Variants in MIA2 observed in about 807,000 individuals in gnomAD.
MIA2 encodes the protein melanoma inhibitory activity protein 2.
Under a neutral mutation model 167.8 loss-of-function variants are expected in MIA2, and 127 were observed. The observed-to-expected ratio is 0.76, with a 90% CI of 0.66 to 0.88. MIA2 has a LOEUF of 0.88. MIA2 is among the 40% of genes least tolerant of loss of function. The pLI, the probability that MIA2 is intolerant of heterozygous loss-of-function variation, is 0.00. For synonymous variants in MIA2, 552 were observed against 541.9 expected (o/e 1.02, Z -0.26); for missense variants, 1,690 against 1,624.7 (o/e 1.04, Z -0.69).
intron 6 of MIA2, among the ~76,000 whole-genome samples, chr14:39,259,625 G>A (rs1382221981): frequency 6.6e-6 from 1 of 151,318 alleles, no homozygotes; most frequent in South Asian, 2.1e-4. Context: ...CAGCCTGCTG[G>A]GCTGAAGCAA....
chr14:39,336,402 T>C (rs1032708467), intron 25 of MIA2, among the ~76,000 whole-genome samples: 2 of 152,206 alleles, frequency 1.3e-5, no homozygotes, highest in African/African-American at 4.8e-5. Flanking sequence ...ATCAACACTT[T>C]ATTCTCATTA....
At position 39,304,405 on chromosome 14, in the gene MIA2, T is replaced by C. The variant is rs555401268; in HGVS notation, c.2878+24T>C. ...AGGTAGGTCATTGACATACATACTT[T>C]TAATGTTTTTCTAAGTAAGTACATC... On this transcript the variant is annotated intron_variant, in intron 17 of 28. Coordinates refer to ENST00000640607, the MANE Select transcript of MIA2 (RefSeq NM_001329214.4). The C allele has an allele frequency of 3.1e-5, 40 of 1,291,242 alleles. 1 individual carries two copies. The highest frequency in any genetic ancestry group is 4.8e-5 in the Admixed American group (2 of 41,838). The allele number at this position is 1,291,242 out of a possible 1,614,324, so 80.0% of individuals were successfully genotyped here. A position where few individuals can be genotyped will look rare whatever the true frequency, so the allele number is the denominator to read the frequency against.
At chr14:39,317,503 C>T (rs2065694037) in intron 21 of MIA2, among the ~76,000 whole-genome samples, 1 of 151,980 alleles carries the variant, frequency 6.6e-6, no homozygotes, top group African/African-American at 2.4e-5. Flanking sequence ...AACGTTTGAC[C>T]CCAGGGTGGA....
intron 4 of MIA2, among the ~76,000 whole-genome samples, chr14:39,251,262 C>A (rs2054559561): frequency 6.6e-6 from 1 of 152,026 alleles, no homozygotes; most frequent in South Asian, 2.1e-4. Flanking sequence ...ATTTATATTA[C>A]AATGTGCATA....
At chr14:39,357,122 T>C (rs940980436) in intron 23 of MIA2, among the ~76,000 whole-genome samples, 2 of 152,184 alleles carry the variant, frequency 1.3e-5, no homozygotes, top group African/African-American at 2.4e-5. Flanking sequence ...ACTTTCTGTC[T>C]CGTTGATCTG....
At chr14:39,234,273 C>T in intron 1 of MIA2, 44 bp downstream of exon 1, 1 of 1,240,464 alleles carries the variant, frequency 8.1e-7, no homozygotes, top group Non-Finnish European at 1.2e-6. Flanking sequence ...AATTGAGGCT[C>T]TGCAATGACA....
At chr14:39,327,371 A>G (rs1406434402) in intron 25 of MIA2, among the ~76,000 whole-genome samples, 1 of 152,192 alleles carries the variant, frequency 6.6e-6, no homozygotes, top group East Asian at 1.9e-4. Context: ...TTGTAGGTAT[A>G]TATCTTTTAG....
chr14:39,344,937 G>A (rs758463718), intron 25 of MIA2, among the ~76,000 whole-genome samples: 35 of 152,162 alleles, frequency 2.3e-4, no homozygotes, highest in Non-Finnish European at 4.0e-4. Flanking sequence ...CACCCCTGGG[G>A]ACAAAGGGTG....
chr14:39,279,428 A>G (rs754114577), intron 8 of MIA2, 21 bp from the exon 9 acceptor site: 1 of 1,603,164 alleles, frequency 6.2e-7, no homozygotes, highest in Non-Finnish European at 8.5e-7. Context: ...ACTCATGGTA[A>G]TATTGACTTG....
chr14:39,331,330 A>AT, intron 25 of MIA2, among the ~76,000 whole-genome samples: 1 of 151,776 alleles, frequency 6.6e-6, no homozygotes, highest in Non-Finnish European at 1.5e-5. Context: ...CCATCCCTTT[A>AT]TTTTGAGCCT....
chr14:39,248,895 A>C (rs1278820768), intron 4 of MIA2, among the ~76,000 whole-genome samples: 1 of 151,908 alleles, frequency 6.6e-6, no homozygotes, highest in African/African-American at 2.4e-5. Context: ...ATGTGCCAAC[A>C]CAGCCGCTAA....
At position 39,234,109 on chromosome 14, in the gene MIA2, T is replaced by C; in HGVS notation, c.-6T>C. The C allele has an allele frequency of 6.3e-7, 1 of 1,594,272 alleles. No individual in the cohort carries two copies. Among genetic ancestry groups the C allele is most frequent in the Non-Finnish European group, 8.6e-7 (1 of 1,168,720 alleles). ...TCACTTGGGATTCCCGGTTGCTTGT[T>C]TTAGCATGGCAAAATTTGGCGTTCA... On this transcript the variant is annotated 5_prime_UTR_variant, in exon 1 of 29. Coordinates refer to ENST00000640607, the MANE Select transcript of MIA2 (RefSeq NM_001329214.4).
chr14:39,252,981 A>T lies in MIA2; in HGVS notation c.1786+15A>T. Reference sequence around the variant, plus strand: ...TTCTCAGAAAGGTAAGAAACAGGTTATTTATTCTCTAATGCATCAATTAAG... The same window carrying T: ...TTCTCAGAAAGGTAAGAAACAGGTTTTTTATTCTCTAATGCATCAATTAAG... On this transcript the variant is annotated intron_variant, in intron 5 of 28. Coordinates refer to ENST00000640607, the MANE Select transcript of MIA2 (RefSeq NM_001329214.4). The T allele has an allele frequency of 6.3e-7, 1 of 1,588,276 alleles. No individual in the cohort carries two copies. Among genetic ancestry groups the T allele is most frequent in the Non-Finnish European group, 8.6e-7 (1 of 1,163,744 alleles).
chr14:39,350,019 T>C, intron 28 of MIA2, 79 bp from the exon 29 acceptor site: 1 of 568,264 alleles, frequency 1.8e-6, no homozygotes, highest in South Asian at 2.9e-5. Flanking sequence ...GTAATGGAAG[T>C]TATAAACTTA....
intron 23 of MIA2, among the ~76,000 whole-genome samples, chr14:39,371,237 T>C (rs2074939543): frequency 6.6e-6 from 1 of 152,214 alleles, no homozygotes; most frequent in Non-Finnish European, 1.5e-5. Flanking sequence ...CTTTATTTAT[T>C]CACTTTTGTT....
In MIA2 at chr14:39,275,399, C is replaced by T. The variant is rs531220067; in HGVS notation, c.1888-1535C>T. Among the ~76,000 whole-genome samples, 51 of 152,326 alleles carry T rather than the reference C, an allele frequency of 3.3e-4. No homozygotes were observed. In the South Asian group the frequency reaches 8.9e-3, roughly 27 times the overall value. On this transcript the variant is annotated intron_variant, in intron 6 of 28. Transcript: ENST00000640607. ...CATGTGATCCGCCTACGTTGGCTTC[C>T]CAAAGTGCTGGCATGAGCCACTGCG...
rs554677567 is a variant in MIA2 at position 39,314,808 on chromosome 14, A to ATGTGTGTGTGTG, written c.3180+10_3180+11insGTGTGTGTGTGT. 53,295 of 1,030,270 alleles carry ATGTGTGTGTGTG rather than the reference A, an allele frequency of 0.052. 2,028 individuals carry two copies. The highest frequency in any genetic ancestry group is 0.12 in the East Asian group (4,036 of 34,960). 63.8% of individuals were successfully genotyped at this position (1,030,270 alleles called of 1,614,324 possible). ...ATTCTTATCAAGGGCAGGTATATAT[A>ATGTGTGTGTGTG]TATGTGTGTGTGTGTGTGTGTGTGT... On this transcript the variant is annotated intron_variant, in intron 20 of 28. Coordinates refer to ENST00000640607, the MANE Select transcript of MIA2 (RefSeq NM_001329214.4).
chr14:39,288,458 TATATATATATATATATA>T (rs1566747733), intron 9 of MIA2, among the ~76,000 whole-genome samples: 59 of 15,980 alleles, frequency 3.7e-3, no homozygotes, highest in South Asian at 8.7e-3. Context: ...TATATATATA[TATATATATATATATATA>T]TTTTTTTTTT....
chr14:39,254,513 A>G (rs1019024982), intron 6 of MIA2, among the ~76,000 whole-genome samples: 44 of 152,222 alleles, frequency 2.9e-4, no homozygotes, highest in African/African-American at 1.0e-3. Context: ...TTAGTTCTGA[A>G]AATGAGGAAA....
Sources: gnomAD v4.1 joint callset for allele counts (sites outside exome capture counted in the v4.1 genomes callset) on GRCh38, gnomAD v4.1.1 for gene constraint, MANE v1.5 for transcripts, NCBI Gene and HGNC (gene_info 2026-07-23, HGNC 2026-07-21) for gene names.